PLCB4: variants seen among roughly 807,000 people sequenced by gnomAD.
PLCB4 encodes the protein phospholipase C beta 4, also known as 1-phosphatidylinositol 4,5-bisphosphate phosphodiesterase beta-4.
A neutral mutation model predicts 178.8 loss-of-function variants in PLCB4; 77 were observed. That is an observed-to-expected ratio of 0.43 (90% CI 0.36 to 0.52). The LOEUF (loss-of-function observed/expected upper bound fraction) is 0.52, where lower values mean the gene tolerates loss of function less well. Among genes scored for constraint, PLCB4 ranks in the 20% least tolerant of loss-of-function variants. PLCB4 has a pLI of 0.00. For missense variants in PLCB4, 1,024 were observed against 1,453.4 expected, an observed-to-expected ratio of 0.70 and a Z score of 4.80; for synonymous variants, 496 against 490.8, an observed-to-expected ratio of 1.01 and a Z score of -0.14.
At chr20:9,201,233 C>T (rs2093540804) in intron 2 of PLCB4, among the ~76,000 whole-genome samples, 1 of 152,072 alleles carries the variant, frequency 6.6e-6, no homozygotes, top group Admixed American at 6.5e-5. Context: ...CCTCCCTTTG[C>T]AATTAAATTT....
rs557470104 is a variant in PLCB4, at chr20:9,465,132, A to G, written c.3249-3439A>G. On this transcript the variant is annotated intron_variant, in intron 35 of 39. Coordinates refer to ENST00000378473, the MANE Select transcript of PLCB4 (RefSeq NM_001377142.1). ...CCCTGGGATGCAAGTCTGGTTCAACATATGCAAATCAATAAATGTAATCCA... is the reference window on the plus strand; with the variant it reads ...CCCTGGGATGCAAGTCTGGTTCAACGTATGCAAATCAATAAATGTAATCCA... Among the ~76,000 whole-genome samples the G allele has an allele frequency of 3.9e-5, 6 of 152,364 alleles. No homozygotes were observed. In the South Asian group the frequency reaches 1.2e-3, roughly 32 times the overall value.
intron 2 of PLCB4, among the ~76,000 whole-genome samples, chr20:9,165,793 T>TTGTGTG (rs3036061): frequency 0.018 from 2,451 of 139,714 alleles, 28 homozygotes; most frequent in African/African-American, 0.035. Context: ...CTGGGGCTGT[T>TTGTGTG]TGTGTGTGTG....
Position 9,340,087 on chromosome 20 carries a change from T to C in PLCB4, c.369+1050T>C, listed in dbSNP as rs1325095733. ...CCTATAATTGGAAACTCAGTGTAGG[T>C]TGAATGAGAGAGGGTTCCAACAAGT... is the stretch of plus-strand genomic sequence containing the variant. On this transcript the variant is annotated intron_variant, in intron 7 of 39. Transcript: ENST00000378473. 2.0e-5 allele frequency among the ~76,000 whole-genome samples: 3 copies of C among 152,220 alleles called. No individual in the cohort carries two copies. In the East Asian group the frequency reaches 5.8e-4, roughly 29 times the overall value.
At chr20:9,141,390 A>G (rs1357005287) in intron 2 of PLCB4, among the ~76,000 whole-genome samples, 1 of 152,148 alleles carries the variant, frequency 6.6e-6, no homozygotes, top group African/African-American at 2.4e-5. Context: ...GTGGCATGCT[A>G]TTTATCTAAA....
intron 3 of PLCB4, among the ~76,000 whole-genome samples, chr20:9,223,334 G>A (rs892674893): frequency 7.9e-5 from 12 of 152,162 alleles, no homozygotes; most frequent in African/African-American, 1.7e-4. Context: ...TAGTATATAC[G>A]TTGGGACCTA....
chr20:9,468,790 A>G, intron 36 of PLCB4, 118 bp downstream of exon 36: 1 of 593,312 alleles, frequency 1.7e-6, no homozygotes, highest in East Asian at 2.7e-5. Flanking sequence ...GTGGCTTTTG[A>G]CTAGGAATTC....
intron 12 of PLCB4, among the ~76,000 whole-genome samples, chr20:9,374,696 G>T (rs1327467524): frequency 2.6e-5 from 4 of 152,118 alleles, no homozygotes; most frequent in South Asian, 2.1e-4. Flanking sequence ...CAACTCTTAG[G>T]TCTTGAGGAT....
At chr20:9,093,595 C>T (rs2064843) in intron 1 of PLCB4, among the ~76,000 whole-genome samples, 132,962 of 151,690 alleles carry the variant, frequency 0.88, 58,717 homozygotes, top group East Asian at 1. Flanking sequence ...TCACATCTCA[C>T]GTTAGGATTT....
chr20:9,475,657 G>T (rs1332104849), intron 38 of PLCB4, among the ~76,000 whole-genome samples: 1 of 152,150 alleles, frequency 6.6e-6, no homozygotes, highest in African/African-American at 2.4e-5. Flanking sequence ...TCTGTGTTAA[G>T]CTTTGCTTTA....
intron 36 of PLCB4, among the ~76,000 whole-genome samples, chr20:9,470,839 CTCTTA>C (rs1354048605): frequency 1.3e-5 from 2 of 152,178 alleles, no homozygotes; most frequent in African/African-American, 4.8e-5. Context: ...ACTCTGCTAT[CTCTTA>C]TAAGTTTGTA....
chr20:9,346,975 CT>C (rs769428959), intron 7 of PLCB4, among the ~76,000 whole-genome samples: 2 of 152,174 alleles, frequency 1.3e-5, no homozygotes, highest in Non-Finnish European at 2.9e-5. Flanking sequence ...CTCATTTGCT[CT>C]TGCAAGACCA....
intron 27 of PLCB4, among the ~76,000 whole-genome samples, chr20:9,421,972 C>G (rs2040675358): frequency 6.6e-6 from 1 of 152,150 alleles, no homozygotes; most frequent in Non-Finnish European, 1.5e-5. Context: ...TCTCCTAATA[C>G]CGTATGTTGG....
chr20:9,096,888 A>G (rs564006015), intron 2 of PLCB4, among the ~76,000 whole-genome samples: 10 of 152,156 alleles, frequency 6.6e-5, no homozygotes, highest in Admixed American at 2.0e-4. Context: ...GAGGTTTCCA[A>G]ATTTCATGGA....
intron 3 of PLCB4, among the ~76,000 whole-genome samples, chr20:9,260,853 G>GTAT (rs1234124154): frequency 1.3e-5 from 2 of 152,102 alleles, no homozygotes; most frequent in African/African-American, 4.8e-5. Flanking sequence ...GTTGAAATAT[G>GTAT]TTCTAGCCCC....
rs11474652 is a variant in PLCB4 at position 9,214,560 on chromosome 20, GACACACACACACAC to G, written c.-78-2810_-78-2797del. ...TGGGAAGACATACATAAACACCCCA[GACACACACACACAC>G]ACACACACACACACACACAGCCTCT... On this transcript the variant is annotated intron_variant, in intron 2 of 39. Transcript: ENST00000378473. Among the ~76,000 whole-genome samples, 3 of 145,488 alleles carry G rather than the reference GACACACACACACAC, an allele frequency of 2.1e-5. No homozygotes were observed. In the South Asian group the frequency reaches 6.7e-4, roughly 32 times the overall value.
At chr20:9,133,605 G>A (rs1255324944) in intron 2 of PLCB4, among the ~76,000 whole-genome samples, 2 of 152,156 alleles carry the variant, frequency 1.3e-5, no homozygotes, top group African/African-American at 2.4e-5. Flanking sequence ...CTACAAGCTT[G>A]TGAGTTCAGG....
At chr20:9,464,838 A>T (rs1377612250) in intron 35 of PLCB4, among the ~76,000 whole-genome samples, 1 of 152,220 alleles carries the variant, frequency 6.6e-6, no homozygotes, top group Non-Finnish European at 1.5e-5. Flanking sequence ...TTCACAGCCG[A>T]ATTCTACCAG....
At chr20:9,170,655 A>G (rs568906299) in intron 2 of PLCB4, among the ~76,000 whole-genome samples, 52 of 152,338 alleles carry the variant, frequency 3.4e-4, no homozygotes, top group Middle Eastern at 3.4e-3. Context: ...AGAAAGCTCT[A>G]TCCTTGTAAT....
intron 11 of PLCB4, 31 bp downstream of exon 11, chr20:9,372,434 A>G: frequency 9.3e-7 from 1 of 1,072,190 alleles, no homozygotes; most frequent in Non-Finnish European, 1.4e-6. Flanking sequence ...AGTGCCATAT[A>G]AATATTATCA....
Sources: gnomAD v4.1 joint callset for allele counts (sites outside exome capture counted in the v4.1 genomes callset) on GRCh38, gnomAD v4.1.1 for gene constraint, MANE v1.5 for transcripts, NCBI Gene and HGNC (gene_info 2026-07-23, HGNC 2026-07-21) for gene names.